Variants in SLC9A4 observed in about 807,000 individuals in gnomAD.
SLC9A4 encodes the protein sodium/hydrogen exchanger 4.
Under a neutral mutation model 67.4 loss-of-function variants are expected in SLC9A4, and 63 were observed. The ratio of observed to expected loss-of-function variants is 0.93; its 90% CI spans 0.76 to 1.15. SLC9A4 has a LOEUF of 1.15. SLC9A4 is among the 50% of genes most tolerant of loss of function. SLC9A4 has a pLI of 0.00. For synonymous variants in SLC9A4, 393 were observed against 367.2 expected (o/e 1.07, Z -0.80); for missense variants, 1,089 against 987.7 (o/e 1.10, Z -1.38).
intron 11 of SLC9A4, among the ~76,000 whole-genome samples, chr2:102,530,793 T>C (rs1674763798): frequency 6.6e-6 from 1 of 152,204 alleles, no homozygotes; most frequent in African/African-American, 2.4e-5. Context: ...TATAGATATA[T>C]TAATTAATGT....
rs538415894 is a variant in SLC9A4, at chr2:102,505,657, T to C, written c.1198+186T>C. The C allele has an allele frequency of 4.3e-4, 253 of 593,154 alleles. No individual in the cohort carries two copies. The African/African-American group carries it at 4.3e-3, about 10-fold the overall frequency. 36.7% of individuals were successfully genotyped at this position (593,154 alleles called of 1,614,324 possible). On this transcript the variant is annotated intron_variant, in intron 4 of 11. Transcript: ENST00000295269. ...GTTCCCTCAGTCAGCTCAAAGTAAT[T>C]AGTGGTTGATAAGGTTCTGCATTGA... is the stretch of plus-strand genomic sequence containing the variant.
chr2:102,517,901 T>G (rs1271630460), intron 8 of SLC9A4, among the ~76,000 whole-genome samples: 1 of 152,214 alleles, frequency 6.6e-6, no homozygotes, highest in Non-Finnish European at 1.5e-5. Flanking sequence ...GTCTTTTGGT[T>G]TATAAGTTGA....
chr2:102,514,705 C>T (rs920958544), intron 8 of SLC9A4, among the ~76,000 whole-genome samples: 1 of 152,074 alleles, frequency 6.6e-6, no homozygotes, highest in Non-Finnish European at 1.5e-5. Flanking sequence ...GTGATGAGAG[C>T]AAGAGGTGTG....
intron 2 of SLC9A4, among the ~76,000 whole-genome samples, chr2:102,488,143 A>G: frequency 6.6e-6 from 1 of 152,086 alleles, no homozygotes; most frequent in East Asian, 1.9e-4. Context: ...CAGCCTGGGG[A>G]CTTTCCTAGT....
intron 11 of SLC9A4, 69 bp from the exon 12 acceptor site, chr2:102,532,261 G>T: frequency 1.3e-6 from 2 of 1,494,726 alleles, no homozygotes; most frequent in Non-Finnish European, 1.8e-6. Flanking sequence ...TTCCTGCCAT[G>T]TGGATATTAA....
At chr2:102,474,933 T>C (rs1403908983) in intron 1 of SLC9A4, among the ~76,000 whole-genome samples, 1 of 152,218 alleles carries the variant, frequency 6.6e-6, no homozygotes, top group South Asian at 2.1e-4. Flanking sequence ...AGGATGGGTG[T>C]GTAATGTGGG....
At chr2:102,510,439 A>G (rs923759240) in intron 6 of SLC9A4, among the ~76,000 whole-genome samples, 4 of 152,198 alleles carry the variant, frequency 2.6e-5, no homozygotes, top group Admixed American at 2.6e-4. Flanking sequence ...GCTGCTGTCT[A>G]CAAGTAGGAT....
chr2:102,512,141 T>C, intron 6 of SLC9A4, 62 bp from the exon 7 acceptor site: 1 of 1,581,082 alleles, frequency 6.3e-7, no homozygotes, highest in Non-Finnish European at 8.7e-7. Flanking sequence ...GTCTTAGTTG[T>C]CCTGTGTGTC....
chr2:102,501,836 A>T (rs542821785), intron 2 of SLC9A4, among the ~76,000 whole-genome samples: 23 of 151,804 alleles, frequency 1.5e-4, no homozygotes, highest in African/African-American at 5.6e-4. Flanking sequence ...TCCATAAGGA[A>T]GATGATTCCC....
chr2:102,505,493 G>A, intron 4 of SLC9A4, 22 bp downstream of exon 4: 1 of 1,607,406 alleles, frequency 6.2e-7, no homozygotes, highest in Admixed American at 1.7e-5. Context: ...CAGGGCTCCA[G>A]AGTCTCCGGT....
At position 102,473,893 on chromosome 2, in the gene SLC9A4, G is replaced by T. The variant is rs1684273709; in HGVS notation, c.134G>T (p.Trp45Leu). ...NSTAQYASNA[W>L]FAAASSEPEE... ...ACTGCTCAGTATGCATCTAACGCTT[G>T]GTTTGCTGCTGCCAGCTCAGAGCCA... Residue 45 changes from tryptophan (W) to leucine (L), a missense_variant, in exon 1 of 12, where the codon TGG becomes TTG. Transcript: ENST00000295269. The T allele has an allele frequency of 6.2e-7, 1 of 1,614,096 alleles. No individual in the cohort carries two copies. Among genetic ancestry groups the T allele is most frequent in the Non-Finnish European group, 8.5e-7 (1 of 1,179,962 alleles).
chr2:102,484,554 C>G (rs146557813), intron 2 of SLC9A4, among the ~76,000 whole-genome samples: 1 of 152,314 alleles, frequency 6.6e-6, no homozygotes, highest in East Asian at 1.9e-4. Flanking sequence ...CTGGCCATGA[C>G]TTTGTATTGA....
intron 11 of SLC9A4, among the ~76,000 whole-genome samples, chr2:102,531,802 G>A (rs928741157): frequency 1.3e-4 from 20 of 152,154 alleles, no homozygotes; most frequent in Non-Finnish European, 2.8e-4. Flanking sequence ...GAGGGCATCC[G>A]GTCACGCCCT....
At chr2:102,512,571 A>C (rs1685186946) in intron 7 of SLC9A4, among the ~76,000 whole-genome samples, 1 of 152,196 alleles carries the variant, frequency 6.6e-6, no homozygotes, top group African/African-American at 2.4e-5. Context: ...TCCCAATGAT[A>C]AGATCAGCTC....
intron 9 of SLC9A4, 72 bp downstream of exon 9, chr2:102,520,027 A>G (rs531907908): frequency 3.8e-5 from 49 of 1,282,764 alleles, no homozygotes; most frequent in Non-Finnish European, 4.2e-5. Flanking sequence ...GAGTCTGTTG[A>G]TGTTCAAGTC....
intron 1 of SLC9A4, 125 bp downstream of exon 1, chr2:102,474,140 T>C (rs1684279820): frequency 8.7e-7 from 1 of 1,150,302 alleles, no homozygotes; most frequent in Non-Finnish European, 1.2e-6. Flanking sequence ...AAAAATTCTC[T>C]TCCCTTCAGT....
chr2:102,517,786 C>T (rs1052638415), intron 8 of SLC9A4, among the ~76,000 whole-genome samples: 9 of 152,068 alleles, frequency 5.9e-5, no homozygotes, highest in African/African-American at 1.4e-4. Flanking sequence ...ATTCAATATA[C>T]GTAGGTTCAG....
At chr2:102,530,336 T>C (rs2104452313) in intron 11 of SLC9A4, among the ~76,000 whole-genome samples, 1 of 152,338 alleles carries the variant, frequency 6.6e-6, no homozygotes, top group Admixed American at 6.5e-5. Flanking sequence ...TCAGATTTTG[T>C]TGCCAAAGTA....
chr2:102,496,483 A>C (rs926270905), intron 2 of SLC9A4, among the ~76,000 whole-genome samples: 1 of 152,216 alleles, frequency 6.6e-6, no homozygotes, highest in Non-Finnish European at 1.5e-5. Flanking sequence ...AGAGGCAGAA[A>C]AAAGGGAGGG....
Sources: allele counts gnomAD v4.1 joint callset (sites outside exome capture counted in the v4.1 genomes callset), GRCh38; gene constraint gnomAD v4.1.1; transcripts MANE v1.5; gene names NCBI Gene and HGNC (gene_info 2026-07-23, HGNC 2026-07-21).